The following TARS3 variants were observed in gnomAD, a reference collection of about 807,000 sequenced individuals.
The protein encoded by TARS3 is threonine--tRNA ligase 2, cytoplasmic.
TARS3 carries 94 observed loss-of-function variants against 103.5 expected under a neutral mutation model. The observed-to-expected ratio is 0.91, with a 90% confidence interval of 0.77 to 1.08. The LOEUF is 1.08. TARS3 is among the 50% of genes least tolerant of loss of function. TARS3 has a pLI of 0.00. For missense variants in TARS3, 952 were observed against 995.2 expected, an observed-to-expected ratio of 0.96 and a Z score of 0.58; for synonymous variants, 416 against 355.4, an observed-to-expected ratio of 1.17 and a Z score of -1.92.
chr15:101,707,691 G>C (rs913881382), intron 6 of TARS3, among the ~76,000 whole-genome samples: 1 of 150,906 alleles, frequency 6.6e-6, no homozygotes, highest in African/African-American at 2.5e-5. Flanking sequence ...CCAGGGGCTG[G>C]GGGCAGGGCG....
At chr15:101,681,624 T>A (rs1444662830) in intron 12 of TARS3, among the ~76,000 whole-genome samples, 1 of 152,222 alleles carries the variant, frequency 6.6e-6, no homozygotes, top group Non-Finnish European at 1.5e-5. Context: ...AGTTCCCTGG[T>A]GAGGGCTTTC....
At chr15:101,675,562 G>T in intron 13 of TARS3, 38 bp downstream of exon 13, 1 of 1,591,068 alleles carries the variant, frequency 6.3e-7, no homozygotes, top group South Asian at 1.1e-5. Context: ...TCTTCCATAC[G>T]ACTAAAATGA....
At chr15:101,656,825 T>C (rs1273889214) in intron 18 of TARS3, 97 bp downstream of exon 18, 7 of 731,820 alleles carry the variant, frequency 9.6e-6, no homozygotes, top group Admixed American at 7.9e-5. Flanking sequence ...AGACAAATCA[T>C]GATAATCAAG....
intron 3 of TARS3, among the ~76,000 whole-genome samples, chr15:101,720,643 T>C (rs1173816570): frequency 6.6e-6 from 1 of 152,184 alleles, no homozygotes; most frequent in Non-Finnish European, 1.5e-5. Context: ...ATTTAATTTA[T>C]TCAACTGAAT....
At chr15:101,709,456 C>T (rs919967176) in intron 5 of TARS3, among the ~76,000 whole-genome samples, 9 of 152,196 alleles carry the variant, frequency 5.9e-5, no homozygotes, top group African/African-American at 2.2e-4. Flanking sequence ...ACACATATCC[C>T]CACACCAGGA....
intron 3 of TARS3, among the ~76,000 whole-genome samples, chr15:101,718,801 G>A (rs1436779964): frequency 6.6e-6 from 1 of 152,132 alleles, no homozygotes; most frequent in Non-Finnish European, 1.5e-5. Context: ...CATGTGGAAC[G>A]GATTAGCTGC....
intron 12 of TARS3, among the ~76,000 whole-genome samples, chr15:101,678,775 T>C (rs1379779660): frequency 6.6e-6 from 1 of 152,222 alleles, no homozygotes; most frequent in Non-Finnish European, 1.5e-5. Context: ...ATCTTTTTCT[T>C]CCTAAAGTTC....
intron 13 of TARS3, among the ~76,000 whole-genome samples, chr15:101,673,302 C>G (rs1356192651): frequency 6.6e-6 from 1 of 152,188 alleles, no homozygotes; most frequent in East Asian, 1.9e-4. Flanking sequence ...AGGTCTATAC[C>G]TGGTCCATCC....
intron 9 of TARS3, 71 bp downstream of exon 9, chr15:101,702,168 G>T: frequency 2.6e-6 from 4 of 1,567,798 alleles, no homozygotes; most frequent in Non-Finnish European, 2.6e-6. Flanking sequence ...AAGCAACTTA[G>T]TTTTGTGAGA....
intron 5 of TARS3, among the ~76,000 whole-genome samples, chr15:101,710,179 C>T (rs568118176): frequency 2.0e-5 from 3 of 152,326 alleles, no homozygotes; most frequent in South Asian, 4.2e-4. Flanking sequence ...GGTTGTTGAA[C>T]ACATCCAGGT....
At chr15:101,715,595 T>TAC (rs1295088965) in intron 3 of TARS3, among the ~76,000 whole-genome samples, 1 of 152,202 alleles carries the variant, frequency 6.6e-6, no homozygotes, top group Non-Finnish European at 1.5e-5. Context: ...CACGCACACA[T>TAC]ATGTGCTGTC....
At chr15:101,665,494 A>T (rs1897546180) in intron 15 of TARS3, among the ~76,000 whole-genome samples, 2 of 152,240 alleles carry the variant, frequency 1.3e-5, no homozygotes, top group South Asian at 4.1e-4. Context: ...AAAATTGTAC[A>T]GCGTTATCAT....
chr15:101,661,886 AATTTT>A, intron 15 of TARS3, 70 bp from the exon 16 acceptor site: 1 of 927,514 alleles, frequency 1.1e-6, no homozygotes, highest in Non-Finnish European at 1.6e-6. Flanking sequence ...CCTTATATTT[AATTTT>A]GAGAATAGAT....
intron 11 of TARS3, 148 bp from the exon 12 acceptor site, chr15:101,684,385 C>A: frequency 1.4e-6 from 1 of 718,368 alleles, no homozygotes; most frequent in Non-Finnish European, 2.1e-6. Context: ...AAAATTCTTC[C>A]ACAAATTAGT....
At position 101,671,759 on chromosome 15, in the gene TARS3, A is replaced by G. The variant is rs1483582384; in HGVS notation, c.1789-11T>C. The G allele has an allele frequency of 2.5e-6, 4 of 1,609,432 alleles. No individual in the cohort carries two copies. The highest frequency in any genetic ancestry group is 3.4e-6 in the Non-Finnish European group (4 of 1,177,886). On this transcript the variant is annotated splice_polypyrimidine_tract_variant and intron_variant, in intron 13 of 18. Coordinates refer to ENST00000335968, the MANE Select transcript of TARS3 (RefSeq NM_152334.3). Reference sequence around the variant, plus strand: ...GCTGTTCTGCAGTTGCTTTTTCAAAAGAAGAAAAAAGATACAATTATACAC... The same window carrying G: ...GCTGTTCTGCAGTTGCTTTTTCAAAGGAAGAAAAAAGATACAATTATACAC...
intron 13 of TARS3, among the ~76,000 whole-genome samples, chr15:101,673,310 TCCCCTTTTCAGCTCCCCAC>T (rs1897887256): frequency 6.6e-6 from 1 of 152,112 alleles, no homozygotes; most frequent in Non-Finnish European, 1.5e-5. Flanking sequence ...ACCTGGTCCA[TCCCCTTTTCAGCTCCCCAC>T]ACCCCACCAA....
intron 10 of TARS3, among the ~76,000 whole-genome samples, chr15:101,686,896 C>T (rs1210258577): frequency 6.6e-6 from 1 of 151,226 alleles, no homozygotes; most frequent in East Asian, 1.9e-4. Context: ...ATCTAGAATG[C>T]CATGTATACT....
intron 17 of TARS3, among the ~76,000 whole-genome samples, chr15:101,657,295 G>A (rs761926035): frequency 6.6e-6 from 1 of 152,346 alleles, no homozygotes; most frequent in South Asian, 2.1e-4. Context: ...AGGACATTCA[G>A]GCAAGCAAGC....
chr15:101,669,593 T>G (rs1306751391), intron 15 of TARS3, among the ~76,000 whole-genome samples: 2 of 152,218 alleles, frequency 1.3e-5, no homozygotes, highest in Non-Finnish European at 2.9e-5. Flanking sequence ...CTGTACCATT[T>G]TTTATCTTTT....
Sources: allele counts gnomAD v4.1 joint callset (sites outside exome capture counted in the v4.1 genomes callset), GRCh38; gene constraint gnomAD v4.1.1; transcripts MANE v1.5; gene names NCBI Gene and HGNC (gene_info 2026-07-23, HGNC 2026-07-21).